Variants in LCLAT1 observed in about 807,000 individuals in gnomAD.
LCLAT1 encodes lysocardiolipin acyltransferase 1.
Under a neutral mutation model 30.7 loss-of-function variants are expected in LCLAT1, and 11 were observed. The ratio of observed to expected loss-of-function variants is 0.36; its 90% CI spans 0.23 to 0.59. LCLAT1 has a LOEUF of 0.59. Among genes scored for constraint, LCLAT1 ranks in the 20% least tolerant of loss-of-function variants. The pLI is 0.77. For synonymous variants in LCLAT1, 155 were observed against 151.3 expected (o/e 1.02, Z -0.18); for missense variants, 402 against 458.6 (o/e 0.88, Z 1.13).
intron 1 of LCLAT1, among the ~76,000 whole-genome samples, chr2:30,450,042 CTT>C (rs2148250646): frequency 6.6e-6 from 1 of 152,288 alleles, no homozygotes; most frequent in East Asian, 1.9e-4. Flanking sequence ...CCTGCCAAGT[CTT>C]TAGGATGTAA....
At chr2:30,487,736 C>T (rs1056858048) in intron 1 of LCLAT1, among the ~76,000 whole-genome samples, 3 of 152,036 alleles carry the variant, frequency 2.0e-5, no homozygotes, top group African/African-American at 7.3e-5. Flanking sequence ...TTAAGTTGTA[C>T]AGTCAGCAGA....
intron 1 of LCLAT1, among the ~76,000 whole-genome samples, chr2:30,450,991 GTTTA>G (rs951401459): frequency 2.7e-4 from 41 of 152,042 alleles, no homozygotes; most frequent in African/African-American, 9.7e-4. Flanking sequence ...GTGTGTGTGT[GTTTA>G]TTTGTGTGTG....
chr2:30,483,159 A>G (rs1248244734), intron 1 of LCLAT1, among the ~76,000 whole-genome samples: 1 of 152,120 alleles, frequency 6.6e-6, no homozygotes, highest in Non-Finnish European at 1.5e-5. Context: ...CTGAGCATAG[A>G]GTGTATGGAA....
chr2:30,449,401 G>A (rs1185580493), intron 1 of LCLAT1, among the ~76,000 whole-genome samples: 2 of 151,976 alleles, frequency 1.3e-5, no homozygotes, highest in Non-Finnish European at 2.9e-5. Flanking sequence ...AGTGATTTGT[G>A]TGGTAACAAT....
chr2:30,589,889 T>C (rs1290647731), intron 5 of LCLAT1, among the ~76,000 whole-genome samples: 1 of 152,206 alleles, frequency 6.6e-6, no homozygotes, highest in Non-Finnish European at 1.5e-5. Context: ...AGGATTCTTT[T>C]TCCATTCATC....
At chr2:30,568,883 A>AAAAAAAG (rs1239321620) in intron 5 of LCLAT1, among the ~76,000 whole-genome samples, 1 of 150,630 alleles carries the variant, frequency 6.6e-6, no homozygotes, top group Admixed American at 6.6e-5. Flanking sequence ...AAAAAAAAAA[A>AAAAAAAG]AGAGAAAAAA....
intron 5 of LCLAT1, among the ~76,000 whole-genome samples, chr2:30,597,490 T>C (rs1431381258): frequency 6.6e-6 from 1 of 152,184 alleles, no homozygotes; most frequent in Non-Finnish European, 1.5e-5. Context: ...TGCACATTGA[T>C]TTTGCATCCT....
In LCLAT1 at chr2:30,631,169, G is replaced by A. The variant is rs117303658; in HGVS notation, c.629-8948G>A. Reference sequence around the variant, plus strand: ...CACCCAGCCATCTGAGCTAGGTCCTGGTACCTTCTATCTCCATTCTGACCT... The same window carrying A: ...CACCCAGCCATCTGAGCTAGGTCCTAGTACCTTCTATCTCCATTCTGACCT... On this transcript the variant is annotated intron_variant, in intron 5 of 5. Coordinates refer to ENST00000379509, the MANE Select transcript of LCLAT1 (RefSeq NM_001002257.3). Among the ~76,000 whole-genome samples the A allele has an allele frequency of 3.4e-3, 515 of 152,294 alleles. 22 individuals carry two copies. The East Asian group carries it at 0.089, about 26-fold the overall frequency.
chr2:30,611,523 CTT>C (rs1225903253), intron 5 of LCLAT1, among the ~76,000 whole-genome samples: 3 of 152,182 alleles, frequency 2.0e-5, no homozygotes, highest in Admixed American at 2.0e-4. Flanking sequence ...GTTAACTGTT[CTT>C]TCTCTCTCCC....
intron 5 of LCLAT1, 55 bp from the exon 6 acceptor site, chr2:30,640,062 T>C (rs531260808): frequency 1.4e-6 from 2 of 1,432,710 alleles, no homozygotes; most frequent in Non-Finnish European, 9.6e-7. Context: ...TGAATCAGCA[T>C]TATCACCCAA....
chr2:30,576,096 G>T (rs1665983048), intron 5 of LCLAT1, among the ~76,000 whole-genome samples: 1 of 152,030 alleles, frequency 6.6e-6, no homozygotes, highest in African/African-American at 2.4e-5. Flanking sequence ...CATGCATAAG[G>T]CATGTCTGTG....
intron 3 of LCLAT1, among the ~76,000 whole-genome samples, chr2:30,551,768 G>A (rs1664691635): frequency 6.6e-6 from 1 of 152,126 alleles, no homozygotes; most frequent in Admixed American, 6.5e-5. Context: ...AGCATTGGCT[G>A]GTTGAGTCCT....
chr2:30,488,676 C>G (rs1683680241), intron 1 of LCLAT1, among the ~76,000 whole-genome samples: 1 of 152,222 alleles, frequency 6.6e-6, no homozygotes, highest in Non-Finnish European at 1.5e-5. Context: ...CAGATTCCTA[C>G]CACCTAGGCT....
chr2:30,471,855 A>AT (rs1308006408), intron 1 of LCLAT1, among the ~76,000 whole-genome samples: 2 of 151,868 alleles, frequency 1.3e-5, no homozygotes, highest in African/African-American at 4.8e-5. Context: ...AATTTTATTT[A>AT]TTTTTCTTGC....
chr2:30,497,532 A>G (rs1419079572), intron 1 of LCLAT1, among the ~76,000 whole-genome samples: 1 of 152,180 alleles, frequency 6.6e-6, no homozygotes, highest in African/African-American at 2.4e-5. Flanking sequence ...TTTGTTTTAA[A>G]TAAATTGTAA....
chr2:30,475,182 A>G (rs1682987928), intron 1 of LCLAT1, among the ~76,000 whole-genome samples: 1 of 150,782 alleles, frequency 6.6e-6, no homozygotes, highest in Admixed American at 6.6e-5. Flanking sequence ...TTTTTTTTGT[A>G]GAGGCAGAGT....
At chr2:30,538,965 T>C (rs1036350799) in intron 3 of LCLAT1, among the ~76,000 whole-genome samples, 6 of 150,480 alleles carry the variant, frequency 4.0e-5, no homozygotes, top group African/African-American at 1.5e-4. Context: ...CCAACCTCTT[T>C]TTTTTTTTTT....
intron 1 of LCLAT1, among the ~76,000 whole-genome samples, chr2:30,471,205 C>A (rs1442430746): frequency 6.6e-6 from 1 of 150,570 alleles, no homozygotes; most frequent in East Asian, 2.0e-4. Context: ...AGCCACTGCA[C>A]CCGGCCTATT....
chr2:30,525,144 G>T (rs924493437), intron 1 of LCLAT1, among the ~76,000 whole-genome samples: 2 of 151,636 alleles, frequency 1.3e-5, no homozygotes, highest in African/African-American at 2.4e-5. Flanking sequence ...TCATTCTGTC[G>T]TCCCAGCTGG....
Sources: gnomAD v4.1 joint callset for allele counts (sites outside exome capture counted in the v4.1 genomes callset) on GRCh38, gnomAD v4.1.1 for gene constraint, MANE v1.5 for transcripts, NCBI Gene and HGNC (gene_info 2026-07-23, HGNC 2026-07-21) for gene names.